BRWD1: variants seen among roughly 807,000 people sequenced by gnomAD.
BRWD1 encodes the protein bromodomain and WD repeat domain containing 1.
In BRWD1, 82 loss-of-function variants were observed where a neutral mutation model predicts 251.2. The ratio of observed to expected loss-of-function variants is 0.33; its 90% CI spans 0.27 to 0.39. The LOEUF is 0.39. Among genes scored for constraint, BRWD1 ranks in the 10% least tolerant of loss-of-function variants. BRWD1 has a pLI of 1.00. For synonymous variants in BRWD1, 918 were observed against 902.8 expected (o/e 1.02, Z -0.30); for missense variants, 2,233 against 2,711.6 (o/e 0.82, Z 3.92).
chr21:39,262,376 T>A (rs1360898561), intron 17 of BRWD1, among the ~76,000 whole-genome samples: 1 of 152,196 alleles, frequency 6.6e-6, no homozygotes, highest in African/African-American at 2.4e-5. Context: ...ACAACACTAA[T>A]GAATCTCAAA....
upstream of BRWD1, chr21:39,314,311 C>T (rs1329686712): frequency 2.2e-6 from 1 of 455,872 alleles, no homozygotes; most frequent in East Asian, 7.0e-5. Flanking sequence ...CACAAGCCAG[C>T]AGCCCGGCAG....
At chr21:39,314,493 ACT>A, upstream of BRWD1, 1 of 367,882 alleles carries the variant, frequency 2.7e-6, no homozygotes, top group South Asian at 2.0e-5. Context: ...GAAGCCGGAA[ACT>A]AGGGAGTCAT....
chr21:39,225,869 C>T (rs1383075579), intron 27 of BRWD1, among the ~76,000 whole-genome samples: 2 of 152,126 alleles, frequency 1.3e-5, no homozygotes, highest in Non-Finnish European at 2.9e-5. Context: ...TCTAAGGAGA[C>T]TAGTATAGCT....
chr21:39,215,376 T>C lies in BRWD1; in HGVS notation c.3660-14A>G, dbSNP rs376955872. ...GCAGACAGCCTCCTTCAAAATAAAG[T>C]AGACAATTTAGGGCTTAGAAAATGA... is the stretch of plus-strand genomic sequence containing the variant. On this transcript the variant is annotated splice_polypyrimidine_tract_variant and intron_variant, in intron 31 of 40. Transcript: ENST00000342449. The C allele has an allele frequency of 1.2e-6, 2 of 1,609,592 alleles. No individual in the cohort carries two copies. The highest frequency in any genetic ancestry group is 4.5e-5 in the East Asian group (2 of 44,764).
Position 39,206,143 on chromosome 21 carries a change from A to G in BRWD1, c.4329T>C (p.Asn1443=), listed in dbSNP as rs748354736. 3.1e-6 allele frequency: 5 copies of G among 1,613,288 alleles called. No homozygotes were observed. The highest frequency in any genetic ancestry group is 2.2e-5 in the South Asian group (2 of 90,796). The change falls in exon 37 of 41, where the codon AAT becomes AAC. Residue 1443 remains asparagine (N), a synonymous_variant. Transcript: ENST00000342449. The stretch of plus-strand genomic sequence containing the variant: ...TGTTAGGCTGACTGTCACCTTTACA[A>G]TTTTGCCGTTGCTTGAACCTCTGGC... ...RRSQRFKQRQ[N]CKGDSQPNKS... is the part of the protein sequence containing the mutation.
intron 26 of BRWD1, 118 bp downstream of exon 26, chr21:39,229,194 C>A: frequency 1.1e-6 from 1 of 878,542 alleles, no homozygotes; most frequent in Non-Finnish European, 1.7e-6. Context: ...ACATCTTAGG[C>A]TATCCACAGT....
intron 25 of BRWD1, among the ~76,000 whole-genome samples, chr21:39,230,551 T>C (rs192837514): frequency 6.6e-6 from 1 of 152,274 alleles, no homozygotes; most frequent in East Asian, 1.9e-4. Context: ...TTTATGCGTG[T>C]TTCCGTTTAA....
rs1396999626 is a variant in BRWD1 at position 39,189,291 on chromosome 21, C to T, written c.*6968G>A. The T allele has an allele frequency of 1.0e-6, 1 of 984,640 alleles. No homozygotes were observed. The allele number at this position is 984,640 out of a possible 1,614,324, so 61.0% of individuals were successfully genotyped here. A position where few individuals can be genotyped will look rare whatever the true frequency, so the allele number is the denominator to read the frequency against. ...GGTTCATTCCCAACAACCTATTCAT[C>T]CAGACAAATAGATAAAATTCTATTT... On this transcript the variant is annotated 3_prime_UTR_variant, in exon 41 of 41. Transcript: ENST00000342449.
upstream of BRWD1, chr21:39,315,726 G>T (rs929956098): frequency 6.9e-6 from 1 of 144,610 alleles, no homozygotes; most frequent in Non-Finnish European, 1.5e-5. Context: ...AATTCAGCAA[G>T]CACTAACAAG....
chr21:39,278,857 A>AAG, intron 9 of BRWD1, 44 bp from the exon 10 acceptor site: 1 of 1,350,582 alleles, frequency 7.4e-7, no homozygotes, highest in Non-Finnish European at 1.0e-6. Context: ...TTATTTTACC[A>AAG]CATTAACACA....
chr21:39,291,714 C>A (rs528470959), intron 8 of BRWD1, among the ~76,000 whole-genome samples: 1 of 134,096 alleles, frequency 7.5e-6, no homozygotes, highest in South Asian at 2.6e-4. Context: ...AAAACCTTCG[C>A]CCAGAGGGGC....
At chr21:39,231,363 A>G (rs1291505193) in intron 25 of BRWD1, among the ~76,000 whole-genome samples, 1 of 152,100 alleles carries the variant, frequency 6.6e-6, no homozygotes, top group Non-Finnish European at 1.5e-5. Flanking sequence ...TGTATCCATC[A>G]TTCATTCAAC....
In BRWD1 at chr21:39,202,402, C is replaced by T; in HGVS notation, c.4508G>A (p.Gly1503Asp). Residue 1503 changes from glycine to aspartate, a missense_variant, in exon 38 of 41, where the codon GGT (glycine) becomes GAT (aspartate). Transcript: ENST00000342449. ...SAGISSGVTSGDSSDSAESSE... is the reference protein window; with the variant it reads ...SAGISSGVTSDDSSDSAESSE... ...TGATTCTGCTGAATCTGAAGAGTCA[C>T]CAGAAGTAACACCTGAAGAGATACC... The T allele has an allele frequency of 6.2e-7, 1 of 1,613,946 alleles. No individual in the cohort carries two copies. Among genetic ancestry groups the T allele is most frequent in the Non-Finnish European group, 8.5e-7 (1 of 1,179,866 alleles).
intron 8 of BRWD1, among the ~76,000 whole-genome samples, chr21:39,282,062 G>A (rs900993503): frequency 2.0e-5 from 3 of 151,098 alleles, no homozygotes; most frequent in Non-Finnish European, 2.9e-5. Context: ...ATATATACAC[G>A]TATACGTATA....
intron 38 of BRWD1, among the ~76,000 whole-genome samples, chr21:39,200,902 T>A (rs1175552128): frequency 6.6e-6 from 1 of 151,938 alleles, no homozygotes; most frequent in Non-Finnish European, 1.5e-5. Flanking sequence ...AAGAATCACT[T>A]GAACCCAGGA....
rs182560879 is a variant in BRWD1, at chr21:39,272,162, C to T, written c.1245-1729G>A. ...TAAGAAGTAAAATGGAGGCCGGGCGCGGTGGCTCACGCCTGTAATCCCAGA... is the reference window on the plus strand; with the variant it reads ...TAAGAAGTAAAATGGAGGCCGGGCGTGGTGGCTCACGCCTGTAATCCCAGA... On this transcript the variant is annotated intron_variant, in intron 13 of 40. Transcript: ENST00000342449. Among the ~76,000 whole-genome samples the T allele has an allele frequency of 1.8e-3, 265 of 151,428 alleles. 1 individual carries two copies. Among genetic ancestry groups the T allele is most frequent in the African/African-American group, 6.3e-3 (259 of 41,276 alleles).
chr21:39,307,445 T>C (rs2036323802), intron 4 of BRWD1, among the ~76,000 whole-genome samples: 2 of 151,970 alleles, frequency 1.3e-5, no homozygotes, highest in African/African-American at 4.8e-5. Context: ...TATATGTATA[T>C]ATTTTATGTA....
At chr21:39,307,560 T>C (rs1601509438) in intron 4 of BRWD1, among the ~76,000 whole-genome samples, 1 of 152,192 alleles carries the variant, frequency 6.6e-6, no homozygotes, top group Non-Finnish European at 1.5e-5. Context: ...CCTTCCTGGG[T>C]TATGACTTAA....
chr21:39,250,808 C>G lies in BRWD1; in HGVS notation c.2337G>C (p.Gln779His), dbSNP rs771991485. 6.3e-7 allele frequency: 1 copy of G among 1,587,272 alleles called. No homozygotes were observed. Among genetic ancestry groups the G allele is most frequent in the Non-Finnish European group, 8.6e-7 (1 of 1,165,570 alleles). ...YIIGRKRKTLQLSHKSDSVVL... is the reference protein window; with the variant it reads ...YIIGRKRKTLHLSHKSDSVVL... ...GAATTTAGGTTACCTTATGTGAGAG[C>G]TGAAGAGTCTTTCTTTTTCTTCCTA... is the stretch of plus-strand genomic sequence containing the variant. The change falls in exon 20 of 41, where the codon CAG (glutamine) becomes CAC (histidine). Residue 779 changes from glutamine to histidine, a missense_variant. Around this residue, in one of 12 missense-constraint regions of BRWD1, gnomAD observed 214 missense variants for 222.0 expected, o/e 0.96. Coordinates refer to ENST00000342449, the MANE Select transcript of BRWD1 (RefSeq NM_033656.4).
Sources: gnomAD v4.1 joint callset for allele counts (sites outside exome capture counted in the v4.1 genomes callset) on GRCh38, gnomAD v4.1.1 for gene constraint, gnomAD v4.1.1 regional missense constraint, MANE v1.5 for transcripts, NCBI Gene and HGNC (gene_info 2026-07-23, HGNC 2026-07-21) for gene names.